The following SORCS1 variants were observed in gnomAD, a reference collection of about 807,000 sequenced individuals.
The protein encoded by SORCS1 is sortilin related VPS10 domain containing receptor 1, also known as VPS10 domain-containing receptor SorCS1.
Under a neutral mutation model 146.1 loss-of-function variants are expected in SORCS1, and 60 were observed. The observed-to-expected ratio is 0.41, with a 90% CI of 0.33 to 0.51. The LOEUF is 0.51. Among genes scored for constraint, SORCS1 ranks in the 20% least tolerant of loss-of-function variants. The pLI, the probability that SORCS1 is intolerant of heterozygous loss-of-function variation, is 0.21. For synonymous variants in SORCS1, 637 were observed against 584.0 expected, an observed-to-expected ratio of 1.09 and a Z score of -1.31; for missense variants, 1,352 against 1,487.6, an observed-to-expected ratio of 0.91 and a Z score of 1.50.
intron 18 of SORCS1, among the ~76,000 whole-genome samples, chr10:106,638,955 CT>C (rs1848888806): frequency 6.6e-6 from 1 of 152,102 alleles, no homozygotes; most frequent in Non-Finnish European, 1.5e-5. Context: ...TTCTATTATT[CT>C]TGTTATTGGC....
At chr10:106,689,536 T>C (rs1853136783) in intron 9 of SORCS1, among the ~76,000 whole-genome samples, 1 of 152,168 alleles carries the variant, frequency 6.6e-6, no homozygotes, top group South Asian at 2.1e-4. Flanking sequence ...TTGAACCTAC[T>C]TAACTTGGGC....
At chr10:106,740,530 A>G (rs1053821523) in intron 5 of SORCS1, among the ~76,000 whole-genome samples, 10 of 152,218 alleles carry the variant, frequency 6.6e-5, no homozygotes, top group Admixed American at 3.3e-4. Flanking sequence ...GAACACAGAG[A>G]AATTAAAAAT....
intron 2 of SORCS1, among the ~76,000 whole-genome samples, chr10:106,927,272 G>C (rs1953097116): frequency 6.6e-6 from 1 of 152,100 alleles, no homozygotes; most frequent in Admixed American, 6.5e-5. Flanking sequence ...TCTTCCTTCT[G>C]GTGGGTTCGT....
At chr10:107,170,979 C>T in the SORCS1 span, among the ~76,000 whole-genome samples, 1 of 152,172 alleles carries the variant, frequency 6.6e-6, no homozygotes, top group South Asian at 2.1e-4. Flanking sequence ...TATCATTTGA[C>T]TTTTGGAATC....
At chr10:106,700,340 G>A (rs1854042744) in intron 8 of SORCS1, among the ~76,000 whole-genome samples, 1 of 152,134 alleles carries the variant, frequency 6.6e-6, no homozygotes, top group Non-Finnish European at 1.5e-5. Context: ...TCTTCTTTAT[G>A]GGATGTCTGT....
rs535503783 is a variant in SORCS1, at chr10:106,576,155, G to A, written c.*1265C>T. On this transcript the variant is annotated 3_prime_UTR_variant, in exon 26 of 26. Transcript: ENST00000263054. Reference sequence around the variant, plus strand: ...ATATTTGAAAAAGGCAGGTTCTAGAGGAAAAGACAAAGATACATGAAACTG... The same window carrying A: ...ATATTTGAAAAAGGCAGGTTCTAGAAGAAAAGACAAAGATACATGAAACTG... 6.6e-6 allele frequency: 1 copy of A among 152,414 alleles called. No homozygotes were observed. Among genetic ancestry groups the A allele is most frequent in the East Asian group, 1.9e-4 (1 of 5,186 alleles). 9.4% of individuals were successfully genotyped at this position (152,414 alleles called of 1,614,324 possible).
intron 17 of SORCS1, among the ~76,000 whole-genome samples, chr10:106,655,937 G>A (rs974564499): frequency 2.6e-5 from 4 of 152,260 alleles, no homozygotes; most frequent in Middle Eastern, 3.4e-3. Flanking sequence ...TAATAACAAG[G>A]CAACTTATGA....
intron 17 of SORCS1, among the ~76,000 whole-genome samples, chr10:106,665,186 C>A (rs192717104): frequency 3.3e-5 from 5 of 152,184 alleles, no homozygotes; most frequent in Admixed American, 3.3e-4. Context: ...TTTTGATAAT[C>A]TTTTATAAAA....
At chr10:106,807,419 C>A (rs1947243364) in intron 3 of SORCS1, among the ~76,000 whole-genome samples, 1 of 152,164 alleles carries the variant, frequency 6.6e-6, no homozygotes, top group Non-Finnish European at 1.5e-5. Flanking sequence ...CCAATTACAT[C>A]TCTCCTCTAA....
intron 1 of SORCS1, among the ~76,000 whole-genome samples, chr10:107,078,576 T>C (rs1299323077): frequency 1.3e-5 from 2 of 152,216 alleles, no homozygotes; most frequent in Non-Finnish European, 2.9e-5. Flanking sequence ...TTCCATTCAG[T>C]TGTGTTCTCT....
chr10:106,927,223 G>A (rs558375122), intron 2 of SORCS1, among the ~76,000 whole-genome samples: 11 of 152,276 alleles, frequency 7.2e-5, no homozygotes, highest in Non-Finnish European at 1.5e-4. Context: ...CAGCGTGTCC[G>A]GAGTTTGTTC....
Position 107,018,300 on chromosome 10 carries a change from G to A in SORCS1, c.559-61720C>T, listed in dbSNP as rs556735463. On this transcript the variant is annotated intron_variant, in intron 1 of 25. Coordinates refer to ENST00000263054, the MANE Select transcript of SORCS1 (RefSeq NM_052918.5). ...TGTCATTCTCCTGCCTCAGCCTCCC[G>A]GGTAGCTGGGACTACAGGCACCCGC... is the stretch of plus-strand genomic sequence containing the variant. 1.7e-4 allele frequency among the ~76,000 whole-genome samples: 26 copies of A among 151,756 alleles called. No individual in the cohort carries two copies. In the South Asian group the frequency reaches 4.4e-3, roughly 26 times the overall value.
the SORCS1 span, among the ~76,000 whole-genome samples, chr10:107,178,255 T>C: frequency 6.6e-6 from 1 of 152,136 alleles, no homozygotes; most frequent in Non-Finnish European, 1.5e-5. Flanking sequence ...TGTGTAGCTG[T>C]ATATTTGTAC....
intron 1 of SORCS1, among the ~76,000 whole-genome samples, chr10:107,104,257 T>C (rs1335369024): frequency 6.6e-6 from 1 of 152,212 alleles, no homozygotes; most frequent in Non-Finnish European, 1.5e-5. Flanking sequence ...TTGGGTTATA[T>C]TCAAGCAAAT....
At chr10:107,156,079 GTGACC>G (rs1442064113) in intron 1 of SORCS1, among the ~76,000 whole-genome samples, 1 of 152,138 alleles carries the variant, frequency 6.6e-6, no homozygotes, top group African/African-American at 2.4e-5. Flanking sequence ...TAAAGTGTCA[GTGACC>G]TGACAATGGG....
chr10:106,579,163 G>A (rs746408089), intron 25 of SORCS1: 1 of 1,614,084 alleles, frequency 6.2e-7, no homozygotes, highest in South Asian at 1.1e-5. Context: ...GGGACATTGG[G>A]CCTGCTTTCA....
At chr10:106,829,865 G>C (rs1294548028) in intron 2 of SORCS1, among the ~76,000 whole-genome samples, 192 bp from the exon 3 acceptor site, 2 of 152,062 alleles carry the variant, frequency 1.3e-5, no homozygotes, top group Non-Finnish European at 2.9e-5. Flanking sequence ...AGATTGAATT[G>C]GTAAAAATTA....
At chr10:106,777,016 C>G (rs1415805565) in intron 3 of SORCS1, among the ~76,000 whole-genome samples, 1 of 152,158 alleles carries the variant, frequency 6.6e-6, no homozygotes, top group African/African-American at 2.4e-5. Flanking sequence ...CCCTTCTTCC[C>G]TTCTTCCTAC....
chr10:107,117,634 T>G (rs1360268645), intron 1 of SORCS1, among the ~76,000 whole-genome samples: 5 of 152,198 alleles, frequency 3.3e-5, no homozygotes, highest in Admixed American at 2.6e-4. Context: ...GGATTATTCT[T>G]GACCCTTAAT....
Sources: allele counts gnomAD v4.1 joint callset (sites outside exome capture counted in the v4.1 genomes callset), GRCh38; gene constraint gnomAD v4.1.1; transcripts MANE v1.5; gene names NCBI Gene and HGNC (gene_info 2026-07-23, HGNC 2026-07-21).